Variants in ADAMTSL1 observed in about 807,000 individuals in gnomAD.
The protein encoded by ADAMTSL1 is ADAMTS-like protein 1.
Under a neutral mutation model 201.8 loss-of-function variants are expected in ADAMTSL1, and 126 were observed. The observed-to-expected ratio is 0.62, with a 90% CI of 0.54 to 0.72. ADAMTSL1 has a LOEUF of 0.72. ADAMTSL1 is among the 30% of genes least tolerant of loss of function. ADAMTSL1 has a pLI of 0.00. For synonymous variants in ADAMTSL1, 1,121 were observed against 903.4 expected, an observed-to-expected ratio of 1.24 and a Z score of -4.32; for missense variants, 2,679 against 2,277.8, an observed-to-expected ratio of 1.18 and a Z score of -3.59.
At chr9:17,963,090 T>G (rs1229477408) in intron 1 of ADAMTSL1, among the ~76,000 whole-genome samples, 1 of 152,234 alleles carries the variant, frequency 6.6e-6, no homozygotes. Context: ...ATTTGAACAA[T>G]TCCATTAAAG....
chr9:17,920,184 A>G (rs1826251692), intron 1 of ADAMTSL1, among the ~76,000 whole-genome samples: 1 of 152,174 alleles, frequency 6.6e-6, no homozygotes, highest in African/African-American at 2.4e-5. Flanking sequence ...CTCCAGTGCT[A>G]CTGAATACCT....
chr9:18,796,488 A>G (rs1332718392), intron 20 of ADAMTSL1: 2 of 152,214 alleles, frequency 1.3e-5, no homozygotes, highest in Non-Finnish European at 2.9e-5. Flanking sequence ...AGAAAAGCCA[A>G]CATCACCCCA....
intron 1 of ADAMTSL1, among the ~76,000 whole-genome samples, chr9:17,921,982 C>G (rs1033328629): frequency 1.3e-5 from 2 of 151,616 alleles, no homozygotes; most frequent in Non-Finnish European, 2.9e-5. Context: ...TATTTGGAAA[C>G]AGTTTTATGA....
intron 2 of ADAMTSL1, among the ~76,000 whole-genome samples, chr9:18,528,790 G>A (rs935496771): frequency 2.0e-5 from 3 of 152,100 alleles, no homozygotes; most frequent in Admixed American, 2.0e-4. Context: ...ACACAGTGCT[G>A]TAACTATTTT....
chr9:17,994,643 TA>T (rs1401206444), intron 1 of ADAMTSL1, among the ~76,000 whole-genome samples: 1 of 152,156 alleles, frequency 6.6e-6, no homozygotes, highest in Non-Finnish European at 1.5e-5. Flanking sequence ...GTATTTAAGA[TA>T]AAGTTAACAA....
At chr9:18,638,093 T>A (rs1296041605) in intron 6 of ADAMTSL1, among the ~76,000 whole-genome samples, 1 of 152,080 alleles carries the variant, frequency 6.6e-6, no homozygotes, top group Non-Finnish European at 1.5e-5. Flanking sequence ...CCCTGTATTT[T>A]TCGGTGGGAT....
At chr9:18,553,530 C>T (rs1035660311) in intron 3 of ADAMTSL1, among the ~76,000 whole-genome samples, 8 of 151,748 alleles carry the variant, frequency 5.3e-5, no homozygotes, top group Non-Finnish European at 1.0e-4. Flanking sequence ...CATTTTTTCT[C>T]AGATCATAGA....
At chr9:17,941,038 TAA>T (rs61345734) in intron 1 of ADAMTSL1, among the ~76,000 whole-genome samples, 31,839 of 151,888 alleles carry the variant, frequency 0.21, 3,510 homozygotes, top group Middle Eastern at 0.27. Context: ...TGTTTTTTAA[TAA>T]GAGTCTTTTT....
intron 4 of ADAMTSL1, among the ~76,000 whole-genome samples, chr9:18,586,502 G>T (rs953806862): frequency 4.2e-4 from 64 of 152,062 alleles, no homozygotes; most frequent in African/African-American, 1.4e-3. Flanking sequence ...CAGTATCATT[G>T]AAATAGCCAT....
intron 1 of ADAMTSL1, among the ~76,000 whole-genome samples, chr9:18,058,019 C>T (rs1449131868): frequency 1.3e-5 from 2 of 152,206 alleles, no homozygotes; most frequent in Admixed American, 1.3e-4. Flanking sequence ...GGTAAATCTG[C>T]TTCCTTGTTC....
At chr9:18,161,507 C>T (rs773961320) in intron 1 of ADAMTSL1, among the ~76,000 whole-genome samples, 1 of 152,032 alleles carries the variant, frequency 6.6e-6, no homozygotes, top group Non-Finnish European at 1.5e-5. Context: ...GATCAACATA[C>T]ATTAGTCCTT....
intron 2 of ADAMTSL1, among the ~76,000 whole-genome samples, chr9:18,331,451 C>A (rs1480158707): frequency 6.6e-6 from 1 of 152,152 alleles, no homozygotes; most frequent in South Asian, 2.1e-4. Context: ...CAGGGTAAAA[C>A]CTTAGTATAA....
Position 18,775,811 on chromosome 9 carries a change from C to T in ADAMTSL1, c.2466C>T (p.Gly822=). The T allele has an allele frequency of 6.2e-7, 1 of 1,611,232 alleles. No homozygotes were observed. The highest frequency in any genetic ancestry group is 1.1e-5 in the South Asian group (1 of 90,250). The change falls in exon 18 of 29, where the codon GGC becomes GGT. Residue 822 remains glycine, a synonymous_variant. Coordinates refer to ENST00000380548, the MANE Select transcript of ADAMTSL1 (RefSeq NM_001040272.6). ...TTTGCCGAAAGATGCTGAAAACCGGCCTCTCAACGGTTGTCAATTCCACCC... is the reference window on the plus strand; with the variant it reads ...TTTGCCGAAAGATGCTGAAAACCGGTCTCTCAACGGTTGTCAATTCCACCC... ...SAICRKMLKT[G]LSTVVNSTLC...
At chr9:18,216,629 A>G (rs938720665) in intron 2 of ADAMTSL1, among the ~76,000 whole-genome samples, 7 of 149,718 alleles carry the variant, frequency 4.7e-5, no homozygotes, top group Non-Finnish European at 5.9e-5. Flanking sequence ...CGCAGCAGTG[A>G]CATACAACTC....
chr9:18,469,316 T>G (rs1821119087), upstream of ADAMTSL1, among the ~76,000 whole-genome samples: 1 of 152,186 alleles, frequency 6.6e-6, no homozygotes, highest in African/African-American at 2.4e-5. Flanking sequence ...CTTTCCCTCT[T>G]TGGAGATATG....
At chr9:18,224,246 C>G (rs952865936) in intron 2 of ADAMTSL1, among the ~76,000 whole-genome samples, 2 of 152,226 alleles carry the variant, frequency 1.3e-5, no homozygotes, top group Admixed American at 6.5e-5. Flanking sequence ...AATCCAAGAT[C>G]AAGACACCAG....
At chr9:18,279,746 A>G (rs992194702) in intron 2 of ADAMTSL1, among the ~76,000 whole-genome samples, 1 of 152,164 alleles carries the variant, frequency 6.6e-6, no homozygotes, top group African/African-American at 2.4e-5. Context: ...AATGTGAATT[A>G]AAAATGCAGT....
chr9:18,269,015 G>A (rs1050327004), intron 2 of ADAMTSL1, among the ~76,000 whole-genome samples: 2 of 151,966 alleles, frequency 1.3e-5, no homozygotes, highest in East Asian at 1.9e-4. Context: ...TAGTTTTGAA[G>A]TTCTATACAA....
At chr9:18,195,030 G>A (rs747301766) in intron 2 of ADAMTSL1, among the ~76,000 whole-genome samples, 8 of 152,068 alleles carry the variant, frequency 5.3e-5, no homozygotes, top group Non-Finnish European at 1.2e-4. Context: ...TTTCATAATA[G>A]TTCCTATAAG....
Sources: allele counts gnomAD v4.1 joint callset (sites outside exome capture counted in the v4.1 genomes callset), GRCh38; gene constraint gnomAD v4.1.1; transcripts MANE v1.5; gene names NCBI Gene and HGNC (gene_info 2026-07-23, HGNC 2026-07-21).